NSMCE1: variants seen among roughly 807,000 people sequenced by gnomAD.
The protein encoded by NSMCE1 is NSE1 component of SMC5/6 complex.
Under a neutral mutation model 29.6 loss-of-function variants are expected in NSMCE1, and 18 were observed. The observed-to-expected ratio is 0.61, with a 90% CI of 0.42 to 0.90. NSMCE1 has a LOEUF of 0.90. NSMCE1 is among the 40% of genes least tolerant of loss of function. The pLI is 0.00. For synonymous variants in NSMCE1, 124 were observed against 133.4 expected, an observed-to-expected ratio of 0.93 and a Z score of 0.49; for missense variants, 314 against 343.6, an observed-to-expected ratio of 0.91 and a Z score of 0.68.
chr16:27,227,971 G>A (rs2083719060), intron 5 of NSMCE1, among the ~76,000 whole-genome samples: 1 of 152,062 alleles, frequency 6.6e-6, no homozygotes, highest in Admixed American at 6.6e-5. Context: ...TTTTAGTAGA[G>A]ACAGGGTTTC....
chr16:27,267,193 G>A lies in NSMCE1; in HGVS notation c.-12+1513C>T, dbSNP rs1310585816. 2.0e-5 allele frequency among the ~76,000 whole-genome samples: 3 copies of A among 151,616 alleles called. 1 individual carries two copies. Among genetic ancestry groups the A allele is most frequent in the African/African-American group, 7.3e-5 (3 of 41,218 alleles). On this transcript the variant is annotated intron_variant, in intron 1 of 7. Coordinates refer to ENST00000361439, the MANE Select transcript of NSMCE1 (RefSeq NM_145080.4). ...CACATTTTAAGAAATACATCTATAC[G>A]TTTAAATTTATTATTAAATTAATTA...
chr16:27,254,594 TTA>T (rs1363710956), intron 2 of NSMCE1, among the ~76,000 whole-genome samples: 1 of 152,180 alleles, frequency 6.6e-6, no homozygotes, highest in Non-Finnish European at 1.5e-5. Context: ...AAGCATTCTT[TTA>T]TTTTTTTGAG....
At position 27,225,044 on chromosome 16, in the gene NSMCE1, T is replaced by C. The variant is rs1353178750; in HGVS notation, c.*113A>G. ...TTCCAAAGCTGTGGACGGTGAACATTAAGACGAAAGAGGTGACTCGCGTGG... is the reference window on the plus strand; with the variant it reads ...TTCCAAAGCTGTGGACGGTGAACATCAAGACGAAAGAGGTGACTCGCGTGG... On this transcript the variant is annotated 3_prime_UTR_variant, in exon 8 of 8. Coordinates refer to ENST00000361439, the MANE Select transcript of NSMCE1 (RefSeq NM_145080.4). 2 of 669,308 alleles carry C rather than the reference T, an allele frequency of 3.0e-6. No homozygotes were observed. The highest frequency in any genetic ancestry group is 5.4e-6 in the Non-Finnish European group (2 of 370,818). The allele number at this position is 669,308 out of a possible 1,614,324, so 41.5% of individuals were successfully genotyped here.
intron 2 of NSMCE1, chr16:27,241,764 G>A (rs911276804): frequency 2.2e-5 from 9 of 410,016 alleles, no homozygotes; most frequent in African/African-American, 1.8e-4. Context: ...CGGTGCACCA[G>A]CTCATTCACT....
chr16:27,239,493 A>T (rs1332127194), intron 2 of NSMCE1, among the ~76,000 whole-genome samples: 7 of 152,246 alleles, frequency 4.6e-5, no homozygotes, highest in African/African-American at 1.4e-4. Context: ...TGAGACAACT[A>T]CTTTCAGTCT....
At chr16:27,234,397 G>C in intron 3 of NSMCE1, 132 bp from the exon 4 acceptor site, 1 of 697,674 alleles carries the variant, frequency 1.4e-6, no homozygotes, top group Non-Finnish European at 2.6e-6. Context: ...ACTGCGGGCC[G>C]CAGGGATGGA....
chr16:27,229,249 C>T (rs2083738493), intron 5 of NSMCE1, among the ~76,000 whole-genome samples: 1 of 152,270 alleles, frequency 6.6e-6, no homozygotes, highest in African/African-American at 2.4e-5. Context: ...GCCTTCAGCT[C>T]AAGTGTCACT....
chr16:27,244,239 G>A (rs1303367669), intron 2 of NSMCE1, among the ~76,000 whole-genome samples: 1 of 152,250 alleles, frequency 6.6e-6, no homozygotes, highest in Non-Finnish European at 1.5e-5. Context: ...TTTATCCGTG[G>A]AGGACTCAAT....
Position 27,232,855 on chromosome 16 carries a change from G to T in NSMCE1, c.483+146C>A. On this transcript the variant is annotated intron_variant, in intron 5 of 7. Coordinates refer to ENST00000361439, the MANE Select transcript of NSMCE1 (RefSeq NM_145080.4). The surrounding 1 kb of genome is among the most constrained non-coding windows in gnomAD (Gnocchi z 4.5). Reference sequence around the variant, plus strand: ...GTGAGGCCCAAGTCCTCCCCACGGGGTCACTGCTGGAATGCATGAAAGCAG... The same window carrying T: ...GTGAGGCCCAAGTCCTCCCCACGGGTTCACTGCTGGAATGCATGAAAGCAG... 2 of 757,406 alleles carry T rather than the reference G, an allele frequency of 2.6e-6. No individual in the cohort carries two copies. The highest frequency in any genetic ancestry group is 4.3e-6 in the Non-Finnish European group (2 of 470,336). The allele number at this position is 757,406 out of a possible 1,614,324, so 46.9% of individuals were successfully genotyped here. A position where few individuals can be genotyped will look rare whatever the true frequency, so the allele number is the denominator to read the frequency against.
At chr16:27,252,011 T>C (rs2084040381) in intron 2 of NSMCE1, among the ~76,000 whole-genome samples, 1 of 152,196 alleles carries the variant, frequency 6.6e-6, no homozygotes, top group Non-Finnish European at 1.5e-5. Flanking sequence ...TGCCATGGCC[T>C]AGAAACTTTC....
intron 2 of NSMCE1, among the ~76,000 whole-genome samples, chr16:27,247,919 T>C (rs573705932): frequency 6.7e-6 from 1 of 149,984 alleles, no homozygotes. Flanking sequence ...AGAGCAAGAC[T>C]CTGTCTCAAA....
intron 5 of NSMCE1, among the ~76,000 whole-genome samples, chr16:27,229,576 TTTTA>T (rs948468125): frequency 1.4e-4 from 22 of 152,198 alleles, no homozygotes; most frequent in Admixed American, 1.0e-3. Flanking sequence ...TGCATTTATT[TTTTA>T]TTTATTTATT....
chr16:27,261,355 A>G (rs2084155738), intron 1 of NSMCE1, among the ~76,000 whole-genome samples: 1 of 151,958 alleles, frequency 6.6e-6, no homozygotes, highest in Non-Finnish European at 1.5e-5. Context: ...AGATTTTCCA[A>G]GAGCTAAAAC....
intron 2 of NSMCE1, 118 bp downstream of exon 2, chr16:27,257,317 G>T: frequency 2.6e-6 from 2 of 773,570 alleles, no homozygotes; most frequent in Non-Finnish European, 1.9e-6. Flanking sequence ...ATTGTGAAGA[G>T]GCTTGAATGC....
rs1596674624 is a variant in NSMCE1 at position 27,234,044 on chromosome 16, C to T, written c.336+144G>A. The T allele has an allele frequency of 7.8e-6, 5 of 637,160 alleles. No individual in the cohort carries two copies. In the East Asian group the frequency reaches 1.1e-4, roughly 14 times the overall value. 39.5% of individuals were successfully genotyped at this position (637,160 alleles called of 1,614,324 possible). A position where few individuals can be genotyped will look rare whatever the true frequency, so the allele number is the denominator to read the frequency against. ...CCAGATGGGTAGACAGTGACATCTC[C>T]CTGCAAAGCCTTTTCTCAGACAGCA... is the stretch of plus-strand genomic sequence containing the variant. On this transcript the variant is annotated intron_variant, in intron 4 of 7. Coordinates refer to ENST00000361439, the MANE Select transcript of NSMCE1 (RefSeq NM_145080.4).
intron 2 of NSMCE1, among the ~76,000 whole-genome samples, chr16:27,244,273 AG>A (rs1181781558): frequency 6.6e-6 from 1 of 152,254 alleles, no homozygotes; most frequent in Admixed American, 6.5e-5. Flanking sequence ...TGGGCTAAGC[AG>A]GGGCTAAGAA....
rs1004723896 is a variant in NSMCE1 at position 27,235,244 on chromosome 16, C to A, written c.192G>T (p.Leu64Phe). 7.4e-6 allele frequency: 12 copies of A among 1,613,512 alleles called. No individual in the cohort carries two copies. Among genetic ancestry groups the A allele is most frequent in the Non-Finnish European group, 9.3e-6 (11 of 1,179,640 alleles). ...EDFINNINSV[L>F]ESLYIEIKRG... is the part of the protein sequence containing the mutation. ...TCTTTATCTCAATATACAAGGACTC[C>A]AAGACACTGTTAATGTTGTTGATGA... The change falls in exon 3 of 8, where the codon TTG (leucine) becomes TTT (phenylalanine). Residue 64 changes from leucine to phenylalanine, a missense_variant. Coordinates refer to ENST00000361439, the MANE Select transcript of NSMCE1 (RefSeq NM_145080.4).
intron 2 of NSMCE1, among the ~76,000 whole-genome samples, chr16:27,251,189 T>TATATATATATATATATATA (rs1459861130): frequency 1.4e-4 from 8 of 58,832 alleles, no homozygotes; most frequent in Non-Finnish European, 2.4e-4. Context: ...TATATATATA[T>TATATATATATATATATATA]AAATATATAT....
chr16:27,246,760 G>A (rs1015109671), intron 2 of NSMCE1, among the ~76,000 whole-genome samples: 15 of 152,152 alleles, frequency 9.9e-5, no homozygotes, highest in African/African-American at 3.6e-4. Flanking sequence ...AAACTGCTGG[G>A]ATTACAGGCA....
Sources: allele counts gnomAD v4.1 joint callset (sites outside exome capture counted in the v4.1 genomes callset), GRCh38; gene constraint gnomAD v4.1.1; non-coding constraint Gnocchi (gnomAD v3.1); transcripts MANE v1.5; gene names NCBI Gene and HGNC (gene_info 2026-07-23, HGNC 2026-07-21).